The following BCAS3 variants were observed in gnomAD, a reference collection of about 807,000 sequenced individuals.
BCAS3 encodes the protein BCAS4/BCAS3 fusion.
In BCAS3, 53 loss-of-function variants were observed where a neutral mutation model predicts 116.1. The observed-to-expected ratio is 0.46, with a 90% confidence interval of 0.37 to 0.57. The LOEUF (loss-of-function observed/expected upper bound fraction) is 0.57, where lower values mean the gene tolerates loss of function less well. Among genes scored for constraint, BCAS3 ranks in the 20% least tolerant of loss-of-function variants. The pLI is 0.00. For missense variants in BCAS3, 917 were observed against 1,165.4 expected, an observed-to-expected ratio of 0.79 and a Z score of 3.10; for synonymous variants, 391 against 408.2, an observed-to-expected ratio of 0.96 and a Z score of 0.51.
chr17:60,808,701 G>T (rs1458660643), intron 7 of BCAS3, among the ~76,000 whole-genome samples: 1 of 152,116 alleles, frequency 6.6e-6, no homozygotes, highest in East Asian at 1.9e-4. Flanking sequence ...TGTAGGATAA[G>T]GATACAAAAT....
chr17:60,905,845 A>G (rs1387629848), intron 11 of BCAS3, among the ~76,000 whole-genome samples: 1 of 152,168 alleles, frequency 6.6e-6, no homozygotes, highest in East Asian at 1.9e-4. Context: ...TGATTTACAT[A>G]GGGTGTAGTG....
rs752287814 is a variant in BCAS3, at chr17:61,185,479, C to T, written c.2425+100915C>T. Among the ~76,000 whole-genome samples, 24 of 152,154 alleles carry T rather than the reference C, an allele frequency of 1.6e-4. 1 individual carries two copies. The highest frequency in any genetic ancestry group is 4.1e-4 in the South Asian group (2 of 4,820). ...ACTATATTGTCTTCCATGACCATAC[C>T]GTGACCTCTCAAAACAAAAGTTAGA... On this transcript the variant is annotated intron_variant, in intron 22 of 23. Transcript: ENST00000407086.
intron 23 of BCAS3, among the ~76,000 whole-genome samples, chr17:61,375,144 G>A (rs2059268186): frequency 6.6e-6 from 1 of 151,682 alleles, no homozygotes; most frequent in South Asian, 2.1e-4. Context: ...AGTGATCACG[G>A]GATGGTTTCA....
intron 5 of BCAS3, among the ~76,000 whole-genome samples, chr17:60,711,653 G>GTAATTAA (rs2037939608): frequency 6.6e-6 from 1 of 151,934 alleles, no homozygotes; most frequent in African/African-American, 2.4e-5. Flanking sequence ...GAGTAATTAA[G>GTAATTAA]GTCTTTATTT....
rs917320836 is a variant in BCAS3, at chr17:61,189,450, G to A, written c.2425+104886G>A. Among the ~76,000 whole-genome samples the A allele has an allele frequency of 5.3e-5, 8 of 152,218 alleles. No homozygotes were observed. The highest frequency in any genetic ancestry group is 1.7e-4 in the African/African-American group (7 of 41,456). ...CTTGGACTTATATCCTATAAGGATG[G>A]AGAAGGGTCTTAGGCAGAAGAGGAG... On this transcript the variant is annotated intron_variant, in intron 22 of 23. Transcript: ENST00000407086. This position sits in a 1 kb window ranked among gnomAD's most constrained non-coding sequence, Gnocchi z 4.5.
chr17:60,813,031 C>T (rs777855227), intron 7 of BCAS3, among the ~76,000 whole-genome samples: 4 of 152,128 alleles, frequency 2.6e-5, no homozygotes, highest in Non-Finnish European at 4.4e-5. Flanking sequence ...GTATGAGCCA[C>T]CACATCTGGT....
chr17:60,816,040 T>A (rs754718252), intron 7 of BCAS3, among the ~76,000 whole-genome samples: 1 of 152,190 alleles, frequency 6.6e-6, no homozygotes, highest in Non-Finnish European at 1.5e-5. Context: ...GTACTGTACC[T>A]GGGTATTTAC....
rs558348681 is a variant in BCAS3 at position 60,762,533 on chromosome 17, C to G, written c.403+15254C>G. 2.2e-3 allele frequency among the ~76,000 whole-genome samples: 330 copies of G among 152,138 alleles called. 1 individual carries two copies. Among genetic ancestry groups the G allele is most frequent in the African/African-American group, 7.3e-3 (302 of 41,524 alleles). On this transcript the variant is annotated intron_variant, in intron 6 of 23. Coordinates refer to ENST00000407086, the MANE Select transcript of BCAS3 (RefSeq NM_017679.5). ...GTAGATGTGTGTTGTTATTCTGAGG[C>G]CTCTGTTCTGTTCCTTTGGTCTATA... is the stretch of plus-strand genomic sequence containing the variant.
chr17:61,166,543 A>G (rs1370256684), intron 22 of BCAS3, among the ~76,000 whole-genome samples: 1 of 151,558 alleles, frequency 6.6e-6, no homozygotes, highest in Non-Finnish European at 1.5e-5. Flanking sequence ...GATTACAGCC[A>G]TGCACCACCA....
intron 7 of BCAS3, among the ~76,000 whole-genome samples, chr17:60,853,805 C>CT (rs903546385): frequency 6.6e-6 from 1 of 152,042 alleles, no homozygotes; most frequent in African/African-American, 2.4e-5. Context: ...CTATCACATA[C>CT]TTTTTTTTCA....
At position 61,356,790 on chromosome 17, in the gene BCAS3, A is replaced by C. The variant is rs2058160622; in HGVS notation, c.2426-11537A>C. On this transcript the variant is annotated intron_variant, in intron 22 of 23. Coordinates refer to ENST00000407086, the MANE Select transcript of BCAS3 (RefSeq NM_017679.5). The surrounding 1 kb of genome is among the most constrained non-coding windows in gnomAD (Gnocchi z 5.4). ...TGGAATCGTTTCTGCCATTTTTCAC[A>C]CACAAGTTGGTGCACATTCCTAATA... 6.6e-6 allele frequency: 1 copy of C among 152,252 alleles called. No homozygotes were observed. 9.4% of individuals were successfully genotyped at this position (152,252 alleles called of 1,614,324 possible).
intron 22 of BCAS3, among the ~76,000 whole-genome samples, chr17:61,099,892 A>G (rs1011639731): frequency 6.6e-6 from 1 of 152,228 alleles, no homozygotes; most frequent in African/African-American, 2.4e-5. Context: ...AACTGACCCT[A>G]AGTTCCATTA....
intron 22 of BCAS3, among the ~76,000 whole-genome samples, chr17:61,221,304 A>G (rs775699092): frequency 1.3e-5 from 2 of 152,134 alleles, no homozygotes; most frequent in African/African-American, 2.4e-5. Context: ...TTCAAGCCCT[A>G]CCTACTTACA....
In BCAS3 at chr17:61,034,539, A is replaced by T; in HGVS notation, c.1638-127A>T. 1.2e-6 allele frequency: 1 copy of T among 804,512 alleles called. No individual in the cohort carries two copies. The highest frequency in any genetic ancestry group is 1.9e-6 in the Non-Finnish European group (1 of 535,910). 49.8% of individuals were successfully genotyped at this position (804,512 alleles called of 1,614,324 possible). ...AGTCTCACATCACCATTTATTACTT[A>T]AGGCAAAATGCATGTTCATACTGGA... On this transcript the variant is annotated intron_variant, in intron 16 of 23. Transcript: ENST00000407086. The surrounding 1 kb of genome is among the most constrained non-coding windows in gnomAD (Gnocchi z 5.0).
intron 22 of BCAS3, among the ~76,000 whole-genome samples, chr17:61,116,090 G>T (rs1284595091): frequency 2.2e-5 from 3 of 138,660 alleles, no homozygotes; most frequent in Non-Finnish European, 4.6e-5. Flanking sequence ...GGGGACTGTG[G>T]TAGGGTAGGG....
chr17:61,180,143 C>T lies in BCAS3; in HGVS notation c.2425+95579C>T, dbSNP rs995377760. On this transcript the variant is annotated intron_variant, in intron 22 of 23. Coordinates refer to ENST00000407086, the MANE Select transcript of BCAS3 (RefSeq NM_017679.5). The surrounding 1 kb of genome is among the most constrained non-coding windows in gnomAD (Gnocchi z 6.0). ...GACCAGATTGAGTGCACCATTTTGC[C>T]AAACATCATTAAGTCATTAGTGTAA... 4.6e-5 allele frequency among the ~76,000 whole-genome samples: 7 copies of T among 151,994 alleles called. No homozygotes were observed. Among genetic ancestry groups the T allele is most frequent in the African/African-American group, 1.7e-4 (7 of 41,368 alleles).
At chr17:60,859,868 C>CT (rs2054012151) in intron 7 of BCAS3, among the ~76,000 whole-genome samples, 1 of 152,142 alleles carries the variant, frequency 6.6e-6, no homozygotes, top group South Asian at 2.1e-4. Flanking sequence ...CACGCCCGGC[C>CT]TATGTACGAC....
chr17:61,286,633 G>A lies in BCAS3; in HGVS notation c.2426-81694G>A, dbSNP rs572585947. ...GGATCTGTGGGCACGCTGTTAGCAG[G>A]GCTAAGTTAAATACTCGCTTTACAC... On this transcript the variant is annotated intron_variant, in intron 22 of 23. Coordinates refer to ENST00000407086, the MANE Select transcript of BCAS3 (RefSeq NM_017679.5). The surrounding 1 kb of genome is among the most constrained non-coding windows in gnomAD (Gnocchi z 4.8). 2.6e-4 allele frequency among the ~76,000 whole-genome samples: 39 copies of A among 152,224 alleles called. No individual in the cohort carries two copies. The East Asian group carries it at 5.8e-3, about 23-fold the overall frequency.
chr17:61,038,662 GTTTTTGT>G (rs2067243726), intron 18 of BCAS3, among the ~76,000 whole-genome samples: 1 of 113,478 alleles, frequency 8.8e-6, no homozygotes, highest in Non-Finnish European at 1.8e-5. Context: ...TTTTGTTTTT[GTTTTTGT>G]TTTTTTTTTT....
Sources: gnomAD v4.1 joint callset for allele counts (sites outside exome capture counted in the v4.1 genomes callset) on GRCh38, gnomAD v4.1.1 for gene constraint, Gnocchi (gnomAD v3.1) non-coding constraint, MANE v1.5 for transcripts, NCBI Gene and HGNC (gene_info 2026-07-23, HGNC 2026-07-21) for gene names.